The following SORCS1 variants were observed in gnomAD, a reference collection of about 807,000 sequenced individuals.
The protein encoded by SORCS1 is sortilin related VPS10 domain containing receptor 1, also known as VPS10 domain-containing receptor SorCS1.
In SORCS1, 60 loss-of-function variants were observed where a neutral mutation model predicts 146.1. That is an observed-to-expected ratio of 0.41 (90% CI 0.33 to 0.51). The LOEUF is 0.51. Among genes scored for constraint, SORCS1 ranks in the 20% least tolerant of loss-of-function variants. SORCS1 has a pLI of 0.21. For missense variants in SORCS1, 1,352 were observed against 1,487.6 expected (o/e 0.91, Z 1.50); for synonymous variants, 637 against 584.0 (o/e 1.09, Z -1.31).
chr10:106,673,778 C>T (rs976498078), intron 14 of SORCS1, among the ~76,000 whole-genome samples: 3 of 152,180 alleles, frequency 2.0e-5, no homozygotes, highest in African/African-American at 7.2e-5. Flanking sequence ...CTACACTGTA[C>T]ATTCTACTCT....
chr10:106,743,574 A>T (rs934747959), intron 5 of SORCS1, among the ~76,000 whole-genome samples: 2 of 151,942 alleles, frequency 1.3e-5, no homozygotes, highest in African/African-American at 2.4e-5. Context: ...ACAGGTGCAT[A>T]CCACCGTGCC....
intron 2 of SORCS1, among the ~76,000 whole-genome samples, chr10:106,936,324 T>A (rs1204313230): frequency 6.6e-6 from 1 of 152,180 alleles, no homozygotes; most frequent in Non-Finnish European, 1.5e-5. Flanking sequence ...TGGAATCCTG[T>A]TCCCAGAAAC....
intron 1 of SORCS1, among the ~76,000 whole-genome samples, chr10:107,078,499 C>G (rs1047812621): frequency 6.6e-6 from 1 of 152,168 alleles, no homozygotes; most frequent in African/African-American, 2.4e-5. Context: ...AGATCTCAGG[C>G]TGAAGTATTC....
chr10:106,612,182 C>T (rs1847038465), intron 21 of SORCS1, among the ~76,000 whole-genome samples, 159 bp from the exon 22 acceptor site: 1 of 152,138 alleles, frequency 6.6e-6, no homozygotes, highest in East Asian at 1.9e-4. Flanking sequence ...ATCTCACCAG[C>T]CCCTTCTTTT....
intron 3 of SORCS1, among the ~76,000 whole-genome samples, chr10:106,805,306 T>C (rs551945855): frequency 1.9e-4 from 29 of 152,162 alleles, no homozygotes; most frequent in African/African-American, 6.5e-4. Context: ...TTTGAAAGGA[T>C]TAACTTACTC....
chr10:107,164,083 G>C lies in SORCS1; in HGVS notation c.444C>G (p.Asp148Glu). ...QEPGTRERDP[D>E]KATRFRMEEL... is the part of the protein sequence containing the mutation. ...CCTCCATCCGGAAGCGGGTGGCTTTGTCCGGGTCCCGCTCCCGAGTCCCAG... is the reference window on the plus strand; with the variant it reads ...CCTCCATCCGGAAGCGGGTGGCTTTCTCCGGGTCCCGCTCCCGAGTCCCAG... The change falls in exon 1 of 26, where the codon GAC becomes GAG. Residue 148 changes from aspartate (D) to glutamate (E), a missense_variant. Asp to Glu is a conservative substitution (Grantham distance 45). This residue lies in a region of SORCS1 where 490 missense variants were observed against 489.1 expected (regional missense o/e 1.00). Coordinates refer to ENST00000263054, the MANE Select transcript of SORCS1 (RefSeq NM_052918.5). The surrounding 1 kb of genome is among the most constrained non-coding windows in gnomAD (Gnocchi z 6.8). 1 of 1,613,892 alleles carries C rather than the reference G, an allele frequency of 6.2e-7. No individual in the cohort carries two copies. Among genetic ancestry groups the C allele is most frequent in the Non-Finnish European group, 8.5e-7 (1 of 1,180,020 alleles).
intron 1 of SORCS1, among the ~76,000 whole-genome samples, chr10:106,977,529 C>T (rs12267901): frequency 0.049 from 7,475 of 151,052 alleles, 559 homozygotes; most frequent in African/African-American, 0.17. Context: ...TAGTATCATG[C>T]TTCTATTATG....
intron 2 of SORCS1, among the ~76,000 whole-genome samples, chr10:106,855,622 TTCAGAGATTCTTTTC>T (rs1408752528): frequency 1.8e-4 from 27 of 152,168 alleles, no homozygotes; most frequent in Admixed American, 1.8e-3. Context: ...CATCATCAAT[TTCAGAGATTCTTTTC>T]TCAGCCATGT....
intron 2 of SORCS1, among the ~76,000 whole-genome samples, chr10:106,877,043 A>C (rs929260267): frequency 2.0e-5 from 3 of 152,236 alleles, no homozygotes; most frequent in Non-Finnish European, 4.4e-5. Context: ...TGATTCTGAT[A>C]ATTATGAAGC....
Position 106,776,612 on chromosome 10 carries a change from C to T in SORCS1, c.807G>A (p.Arg269=). 2 of 1,614,076 alleles carry T rather than the reference C, an allele frequency of 1.2e-6. No individual in the cohort carries two copies. The highest frequency in any genetic ancestry group is 1.7e-6 in the Non-Finnish European group (2 of 1,179,960). The change falls in exon 4 of 26, where the codon CGG becomes CGA. Residue 269 remains arginine, a synonymous_variant. Coordinates refer to ENST00000263054, the MANE Select transcript of SORCS1 (RefSeq NM_052918.5). ...SDEGATYQKY[R]LNFYIQSLLF... ...GCAAGCTTTGAATGTAGAAGTTCAG[C>T]CGGTACTTTTGATAAGTTGCCCCTT...
chr10:106,646,196 C>T (rs938445865), intron 18 of SORCS1, among the ~76,000 whole-genome samples: 3 of 151,714 alleles, frequency 2.0e-5, no homozygotes, highest in African/African-American at 4.8e-5. Context: ...ACCTGGGAGG[C>T]GGCCAAGATC....
At chr10:106,617,439 G>A (rs537743949) in intron 21 of SORCS1, among the ~76,000 whole-genome samples, 1 of 152,238 alleles carries the variant, frequency 6.6e-6, no homozygotes, top group Admixed American at 6.5e-5. Flanking sequence ...AACACTTAGT[G>A]CATATCCATA....
At chr10:106,940,425 C>G (rs1953978698) in intron 2 of SORCS1, among the ~76,000 whole-genome samples, 1 of 152,182 alleles carries the variant, frequency 6.6e-6, no homozygotes, top group African/African-American at 2.4e-5. Flanking sequence ...AAGAAGGTAG[C>G]ATGTGTCCTT....
chr10:106,680,346 A>T (rs1852343337), intron 10 of SORCS1, among the ~76,000 whole-genome samples: 1 of 152,248 alleles, frequency 6.6e-6, no homozygotes, highest in Non-Finnish European at 1.5e-5. Flanking sequence ...AGGTCAAGTC[A>T]AGCTGGGAGG....
intron 16 of SORCS1, among the ~76,000 whole-genome samples, chr10:106,670,127 G>A (rs920225162): frequency 3.9e-5 from 6 of 152,024 alleles, no homozygotes; most frequent in Admixed American, 1.3e-4. Flanking sequence ...ACAAATAAAC[G>A]AATACATGAA....
intron 3 of SORCS1, among the ~76,000 whole-genome samples, chr10:106,778,142 A>G (rs1208388245): frequency 6.6e-6 from 1 of 152,140 alleles, no homozygotes; most frequent in Non-Finnish European, 1.5e-5. Context: ...TGTAAATGGC[A>G]CAAAAGGATT....
chr10:106,606,534 A>G (rs1846604765), intron 23 of SORCS1, among the ~76,000 whole-genome samples: 1 of 152,218 alleles, frequency 6.6e-6, no homozygotes. Context: ...ATTGTTCAGC[A>G]ACTTGCTTTT....
rs548645007 is a variant in SORCS1, at chr10:106,795,041, A to G, written c.727-18349T>C. Among the ~76,000 whole-genome samples, 239 of 152,318 alleles carry G rather than the reference A, an allele frequency of 1.6e-3. 2 individuals are homozygous for G. The highest frequency in any genetic ancestry group is 6.8e-3 in the Middle Eastern group (2 of 294). On this transcript the variant is annotated intron_variant, in intron 3 of 25. Transcript: ENST00000263054. The stretch of plus-strand genomic sequence containing the variant: ...TATGAAATGAGGCTAACAATACACA[A>G]TTCACAGAGTGGGTGTTCATTATGA...
intron 14 of SORCS1, among the ~76,000 whole-genome samples, chr10:106,674,328 C>CAAAAAAAAAAAAAAAAAAAAAAA (rs10658432): frequency 7.3e-5 from 2 of 27,376 alleles, no homozygotes; most frequent in Non-Finnish European, 1.1e-4. Flanking sequence ...GACTCCGTCT[C>CAAAAAAAAAAAAAAAAAAAAAAA]AAAAAAAAAA....
Sources: gnomAD v4.1 joint callset for allele counts (sites outside exome capture counted in the v4.1 genomes callset) on GRCh38, gnomAD v4.1.1 for gene constraint, gnomAD v4.1.1 regional missense constraint, Gnocchi (gnomAD v3.1) non-coding constraint, MANE v1.5 for transcripts, NCBI Gene and HGNC (gene_info 2026-07-23, HGNC 2026-07-21) for gene names.